Variants in PRKG1 observed in about 807,000 individuals in gnomAD.
PRKG1 encodes protein kinase cGMP-dependent 1.
Under a neutral mutation model 88.1 loss-of-function variants are expected in PRKG1, and 35 were observed. The observed-to-expected ratio is 0.40, with a 90% confidence interval of 0.30 to 0.53. The LOEUF (loss-of-function observed/expected upper bound fraction) is 0.53, where lower values mean the gene tolerates loss of function less well. Among genes scored for constraint, PRKG1 ranks in the 20% least tolerant of loss-of-function variants. PRKG1 has a pLI of 0.59. For missense variants in PRKG1, 540 were observed against 839.8 expected, an observed-to-expected ratio of 0.64 and a Z score of 4.41; for synonymous variants, 303 against 292.5, an observed-to-expected ratio of 1.04 and a Z score of -0.37.
At chr10:51,173,445 G>T (rs3862577) in intron 2 of PRKG1, among the ~76,000 whole-genome samples, 68,557 of 148,974 alleles carry the variant, frequency 0.46, 15,572 homozygotes, top group African/African-American at 0.54. Context: ...TGTGTGTGTG[G>T]TGTGTGTAAA....
intron 3 of PRKG1, among the ~76,000 whole-genome samples, chr10:51,795,920 A>G (rs1838999032): frequency 6.6e-6 from 1 of 152,106 alleles, no homozygotes; most frequent in South Asian, 2.1e-4. Context: ...CCTGAAAAAC[A>G]TGGTCCAACT....
At chr10:51,965,243 C>A (rs1221016562) in intron 5 of PRKG1, among the ~76,000 whole-genome samples, 2 of 152,084 alleles carry the variant, frequency 1.3e-5, no homozygotes, top group Non-Finnish European at 2.9e-5. Context: ...CACTCTCCAC[C>A]CTCTGATATG....
intron 3 of PRKG1, among the ~76,000 whole-genome samples, chr10:51,798,764 A>G (rs767204188): frequency 6.6e-6 from 1 of 152,110 alleles, no homozygotes; most frequent in African/African-American, 2.4e-5. Flanking sequence ...GTAAAAGAGA[A>G]TTACAAGCTA....
chr10:51,009,594 A>G (rs1215577972), intron 1 of PRKG1, among the ~76,000 whole-genome samples: 1 of 152,222 alleles, frequency 6.6e-6, no homozygotes, highest in Non-Finnish European at 1.5e-5. Flanking sequence ...GAGCTAGTTG[A>G]ATAGTCTTAT....
intron 2 of PRKG1, among the ~76,000 whole-genome samples, chr10:51,192,887 G>T (rs1235969177): frequency 4.6e-5 from 7 of 151,946 alleles, no homozygotes; most frequent in African/African-American, 1.7e-4. Context: ...CACCCATTCA[G>T]TCTTGTTTAT....
At chr10:51,452,828 C>T (rs1233562443) in intron 2 of PRKG1, among the ~76,000 whole-genome samples, 1 of 151,810 alleles carries the variant, frequency 6.6e-6, no homozygotes, top group African/African-American at 2.4e-5. Context: ...GAAGGACTTC[C>T]TCTTTCTATA....
chr10:51,123,583 G>A (rs920669899), intron 1 of PRKG1, among the ~76,000 whole-genome samples: 2 of 151,994 alleles, frequency 1.3e-5, no homozygotes, highest in Non-Finnish European at 2.9e-5. Flanking sequence ...CTACTCGGGT[G>A]GCTGAGGCAG....
chr10:51,502,598 C>T (rs1025848736), intron 3 of PRKG1, among the ~76,000 whole-genome samples: 16 of 151,990 alleles, frequency 1.1e-4, no homozygotes, highest in African/African-American at 3.4e-4. Context: ...AGTGGTGTAA[C>T]CTTGGGTGAA....
chr10:51,938,222 G>A (rs774976300), intron 5 of PRKG1, among the ~76,000 whole-genome samples: 18 of 151,942 alleles, frequency 1.2e-4, no homozygotes, highest in Non-Finnish European at 2.4e-4. Flanking sequence ...CCATATACAC[G>A]TAAGTTTTAT....
intron 3 of PRKG1, among the ~76,000 whole-genome samples, chr10:51,527,732 C>A (rs566321273): frequency 6.6e-6 from 1 of 152,158 alleles, no homozygotes; most frequent in Non-Finnish European, 1.5e-5. Flanking sequence ...AATTTAGATC[C>A]TAGCAAAGAT....
chr10:52,034,448 G>C (rs1408685430), intron 5 of PRKG1, among the ~76,000 whole-genome samples: 3 of 150,418 alleles, frequency 2.0e-5, no homozygotes, highest in African/African-American at 7.4e-5. Context: ...TAGAATGATT[G>C]GTGATGGCCT....
At chr10:51,451,231 G>A (rs534013164) in intron 2 of PRKG1, among the ~76,000 whole-genome samples, 3 of 151,812 alleles carry the variant, frequency 2.0e-5, no homozygotes, top group African/African-American at 7.2e-5. Flanking sequence ...GGAGTGATGA[G>A]ACTAAGCAAT....
At chr10:51,455,850 C>T (rs893559635) in intron 2 of PRKG1, among the ~76,000 whole-genome samples, 5 of 152,314 alleles carry the variant, frequency 3.3e-5, no homozygotes, top group African/African-American at 9.6e-5. Context: ...AACTTTCCCA[C>T]GTTTATCTGT....
At position 51,467,712 on chromosome 10, in the gene PRKG1, C is replaced by G; in HGVS notation, c.479-11C>G. ...AATTTATATAACATGTTTTTCCCTC[C>G]TCCTTTTTAGATGGTAAGGTTGAAG... On this transcript the variant is annotated splice_polypyrimidine_tract_variant and intron_variant, in intron 2 of 17. Transcript: ENST00000373980. 1 of 1,591,912 alleles carries G rather than the reference C, an allele frequency of 6.3e-7. No individual in the cohort carries two copies. Among genetic ancestry groups the G allele is most frequent in the Non-Finnish European group, 8.6e-7 (1 of 1,161,052 alleles).
At chr10:51,628,085 TTTCC>T (rs377500483) in intron 3 of PRKG1, among the ~76,000 whole-genome samples, 10 of 145,776 alleles carry the variant, frequency 6.9e-5, no homozygotes, top group Non-Finnish European at 1.4e-4. Flanking sequence ...TCTTTCTTTC[TTTCC>T]TTCCTTCCCT....
At chr10:51,729,579 C>T (rs1409324897) in intron 3 of PRKG1, among the ~76,000 whole-genome samples, 1 of 151,324 alleles carries the variant, frequency 6.6e-6, no homozygotes, top group African/African-American at 2.4e-5. Context: ...TAGTGGCGGG[C>T]ACCTGTAATC....
chr10:51,202,189 T>A (rs140497396), intron 2 of PRKG1, among the ~76,000 whole-genome samples: 48 of 152,242 alleles, frequency 3.2e-4, no homozygotes, highest in Non-Finnish European at 5.7e-4. Flanking sequence ...CAGTGGGAGG[T>A]GCCCAGCCCA....
At chr10:51,152,517 A>G (rs1846098240) in intron 1 of PRKG1, among the ~76,000 whole-genome samples, 1 of 152,056 alleles carries the variant, frequency 6.6e-6, no homozygotes, top group South Asian at 2.1e-4. Flanking sequence ...ACTGAAGGTA[A>G]CATTATATTC....
At chr10:51,664,809 GA>G (rs1379083704) in intron 3 of PRKG1, among the ~76,000 whole-genome samples, 5 of 152,106 alleles carry the variant, frequency 3.3e-5, no homozygotes, top group African/African-American at 1.2e-4. Flanking sequence ...AAATGAAGAA[GA>G]TAGTACCTAA....
Sources: gnomAD v4.1 joint callset for allele counts (sites outside exome capture counted in the v4.1 genomes callset) on GRCh38, gnomAD v4.1.1 for gene constraint, MANE v1.5 for transcripts, NCBI Gene and HGNC (gene_info 2026-07-23, HGNC 2026-07-21) for gene names.